Variants in LRRTM3 observed in about 807,000 individuals in gnomAD.
LRRTM3 encodes leucine rich repeat transmembrane neuronal 3.
In LRRTM3, 24 loss-of-function variants were observed where a neutral mutation model predicts 44.7. That is an observed-to-expected ratio of 0.54 (90% CI 0.39 to 0.76). The LOEUF is 0.76. LRRTM3 is among the 30% of genes least tolerant of loss of function. The probability of loss-of-function intolerance (pLI) is 0.00; values close to 1 mark genes in which losing one functional copy is unlikely to be tolerated. For synonymous variants in LRRTM3, 277 were observed against 278.7 expected (o/e 0.99, Z 0.06); for missense variants, 587 against 702.2 (o/e 0.84, Z 1.85).
intron 2 of LRRTM3, among the ~76,000 whole-genome samples, chr10:67,072,588 G>A (rs1310637882): frequency 6.6e-6 from 1 of 152,188 alleles, no homozygotes; most frequent in East Asian, 1.9e-4. Flanking sequence ...CAGCTGGGTT[G>A]GGGCTAGATT....
At chr10:67,044,788 A>G (rs1854622429) in intron 2 of LRRTM3, among the ~76,000 whole-genome samples, 1 of 152,224 alleles carries the variant, frequency 6.6e-6, no homozygotes, top group Non-Finnish European at 1.5e-5. Flanking sequence ...AGCACAGTGG[A>G]AAGATCATGG....
At chr10:66,992,831 T>C (rs1023577023) in intron 2 of LRRTM3, among the ~76,000 whole-genome samples, 1 of 152,150 alleles carries the variant, frequency 6.6e-6, no homozygotes, top group Non-Finnish European at 1.5e-5. Context: ...TTTTAATGCC[T>C]TTTTAGTGAT....
Position 67,101,034 on chromosome 10 carries a change from G to C in LRRTM3, c.*3238G>C, listed in dbSNP as rs1858306649. 6.6e-6 allele frequency among the ~76,000 whole-genome samples: 1 copy of C among 151,620 alleles called. No individual in the cohort carries two copies. ...TCAATTCTCCATCTGTAAAATATTA[G>C]CTAACTGAATTATTTCTGTGTTCTA... On this transcript the variant is annotated 3_prime_UTR_variant, in exon 3 of 3. Transcript: ENST00000361320.
At chr10:66,967,301 T>C (rs1429589096) in intron 2 of LRRTM3, among the ~76,000 whole-genome samples, 3 of 151,512 alleles carry the variant, frequency 2.0e-5, no homozygotes, top group African/African-American at 7.3e-5. Flanking sequence ...GATATAGATA[T>C]AGGTATAGAT....
chr10:67,056,325 G>A (rs1855425636), intron 2 of LRRTM3, among the ~76,000 whole-genome samples: 1 of 152,128 alleles, frequency 6.6e-6, no homozygotes, highest in Non-Finnish European at 1.5e-5. Context: ...TATTTCTCTG[G>A]CTTGCAGTTA....
rs1008012146 is a variant in LRRTM3, at chr10:66,934,692, T to C, written c.1536+6240T>C. On this transcript the variant is annotated intron_variant, in intron 2 of 2. Coordinates refer to ENST00000361320, the MANE Select transcript of LRRTM3 (RefSeq NM_178011.5). Reference sequence around the variant, plus strand: ...CTTTATGTATAGGGGTACTCAACTATATTTCACCAATCAGAAACACTCTTT... The same window carrying C: ...CTTTATGTATAGGGGTACTCAACTACATTTCACCAATCAGAAACACTCTTT... Among the ~76,000 whole-genome samples, 13 of 152,036 alleles carry C rather than the reference T, an allele frequency of 8.6e-5. No homozygotes were observed. In the East Asian group the frequency reaches 2.3e-3, roughly 27 times the overall value.
intron 2 of LRRTM3, among the ~76,000 whole-genome samples, chr10:66,999,549 G>C (rs1371259010): frequency 6.7e-6 from 1 of 150,102 alleles, no homozygotes; most frequent in African/African-American, 2.4e-5. Context: ...TCTAACTATA[G>C]AGGTGATCAG....
intron 2 of LRRTM3, among the ~76,000 whole-genome samples, chr10:67,086,572 G>A (rs771810012): frequency 3.9e-5 from 6 of 151,924 alleles, no homozygotes; most frequent in Non-Finnish European, 5.9e-5. Flanking sequence ...TGTCAAAAAC[G>A]TAGTCTGTTT....
rs546947492 is a variant in LRRTM3 at position 67,015,229 on chromosome 10, T to C, written c.1537-82358T>C. On this transcript the variant is annotated intron_variant, in intron 2 of 2. Transcript: ENST00000361320. ...TCATTATCATAGTTTATACCATTTA[T>C]ATGCTATTCTCTAATTTCTAAAGCT... 3.9e-5 allele frequency: 6 copies of C among 152,266 alleles called. No individual in the cohort carries two copies. In the South Asian group the frequency reaches 1.2e-3, roughly 31 times the overall value. 9.4% of individuals were successfully genotyped at this position (152,266 alleles called of 1,614,324 possible).
intron 2 of LRRTM3, among the ~76,000 whole-genome samples, chr10:67,014,495 C>G (rs1276332870): frequency 6.6e-6 from 1 of 152,068 alleles, no homozygotes; most frequent in African/African-American, 2.4e-5. Context: ...TTCTTCTAGA[C>G]AAAATTAGTT....
intron 2 of LRRTM3, among the ~76,000 whole-genome samples, chr10:67,047,051 A>G (rs1302209095): frequency 6.6e-6 from 1 of 152,218 alleles, no homozygotes; most frequent in Non-Finnish European, 1.5e-5. Context: ...CACTGCCTGT[A>G]TCTGATTCCT....
rs61866218 is a variant in LRRTM3, at chr10:66,981,824, G to A, written c.1536+53372G>A. On this transcript the variant is annotated intron_variant, in intron 2 of 2. Transcript: ENST00000361320. ...CAACGACTTAAGAAGTGAGGACATC[G>A]AGCACATTGCATCATCTTCCTGCTG... 2.6e-5 allele frequency among the ~76,000 whole-genome samples: 4 copies of A among 152,292 alleles called. No homozygotes were observed. In the South Asian group the frequency reaches 6.2e-4, roughly 24 times the overall value.
rs566098425 is a variant in LRRTM3 at position 67,068,227 on chromosome 10, T to C, written c.1537-29360T>C. 4.6e-5 allele frequency among the ~76,000 whole-genome samples: 7 copies of C among 152,010 alleles called. No individual in the cohort carries two copies. In the South Asian group the frequency reaches 1.5e-3, roughly 32 times the overall value. ...AAGAAGGTGGATTGGACCTGGGAAG[T>C]GACTGGATGTGGAAAGAGGAAAGGG... On this transcript the variant is annotated intron_variant, in intron 2 of 2. Coordinates refer to ENST00000361320, the MANE Select transcript of LRRTM3 (RefSeq NM_178011.5).
At chr10:66,941,705 G>A (rs569204139) in intron 2 of LRRTM3, among the ~76,000 whole-genome samples, 9 of 152,154 alleles carry the variant, frequency 5.9e-5, no homozygotes, top group South Asian at 4.1e-4. Flanking sequence ...AGCCTTGACC[G>A]CACTGCCCGT....
In LRRTM3 at chr10:67,040,114, GACA is replaced by G. The variant is rs529175644; in HGVS notation, c.1537-57469_1537-57467del. ...CAATCATTCTAGCAGTATTTGCTAT[GACA>G]ACATCATTCAGCCCCAACTTATGCC... On this transcript the variant is annotated intron_variant, in intron 2 of 2. Transcript: ENST00000361320. Among the ~76,000 whole-genome samples the G allele has an allele frequency of 1.2e-4, 18 of 152,150 alleles. No individual in the cohort carries two copies. In the East Asian group the frequency reaches 3.3e-3, roughly 28 times the overall value.
intron 2 of LRRTM3, among the ~76,000 whole-genome samples, chr10:66,957,561 G>A (rs907768397): frequency 6.6e-6 from 1 of 151,552 alleles, no homozygotes; most frequent in Non-Finnish European, 1.5e-5. Context: ...CTGGGTCCCA[G>A]TCCCAGCACT....
At chr10:66,964,965 T>C (rs549798552) in intron 2 of LRRTM3, among the ~76,000 whole-genome samples, 6 of 152,284 alleles carry the variant, frequency 3.9e-5, no homozygotes, top group African/African-American at 1.4e-4. Context: ...TTTAAAGCTA[T>C]TAAAAAGCAA....
intron 2 of LRRTM3, among the ~76,000 whole-genome samples, chr10:67,085,416 A>G (rs1333494463): frequency 6.6e-6 from 1 of 152,080 alleles, no homozygotes; most frequent in East Asian, 1.9e-4. Flanking sequence ...AGGGACTAAA[A>G]GTAAAAAACA....
intron 2 of LRRTM3, among the ~76,000 whole-genome samples, chr10:66,949,525 T>C (rs1167690604): frequency 1.3e-5 from 2 of 150,396 alleles, no homozygotes; most frequent in Non-Finnish European, 2.9e-5. Context: ...GCCATTGGAC[T>C]CCATCCTGGG....
Sources: gnomAD v4.1 joint callset for allele counts (sites outside exome capture counted in the v4.1 genomes callset) on GRCh38, gnomAD v4.1.1 for gene constraint, MANE v1.5 for transcripts, NCBI Gene and HGNC (gene_info 2026-07-23, HGNC 2026-07-21) for gene names.